Variants in YAF2 observed in about 807,000 individuals in gnomAD.
The protein encoded by YAF2 is YY1-associated factor 2.
In YAF2, 7 loss-of-function variants were observed where a neutral mutation model predicts 20.1. That is an observed-to-expected ratio of 0.35 (90% CI 0.20 to 0.65). The LOEUF (loss-of-function observed/expected upper bound fraction) is 0.65. Ranked by LOEUF, YAF2 falls within the 30% of genes least tolerant of loss-of-function variation. The probability of loss-of-function intolerance (pLI) is 0.69; values close to 1 mark genes in which losing one functional copy is unlikely to be tolerated. For missense variants in YAF2, 151 were observed against 219.2 expected (o/e 0.69, Z 1.96); for synonymous variants, 74 against 76.0 (o/e 0.97, Z 0.14).
rs2065783275 is a variant in YAF2, at chr12:42,160,834, T to A, written c.306-8A>T. The A allele has an allele frequency of 6.3e-7, 1 of 1,582,710 alleles. No individual in the cohort carries two copies. Among genetic ancestry groups the A allele is most frequent in the African/African-American group, 1.4e-5 (1 of 73,250 alleles). On this transcript the variant is annotated splice_polypyrimidine_tract_variant and splice_region_variant and intron_variant, in intron 3 of 3. Transcript: ENST00000534854. ...ACATTTTTCAATCTTGGCCTAAACA[T>A]AAAAAAATGAAATTTTAAACTAGCT...
chr12:42,234,324 G>A lies in YAF2; in HGVS notation c.152+3275C>T, dbSNP rs375410158. 18 of 985,428 alleles carry A rather than the reference G, an allele frequency of 1.8e-5. No individual in the cohort carries two copies. In the African/African-American group the frequency reaches 2.1e-4, roughly 11 times the overall value. The allele number at this position is 985,428 out of a possible 1,614,324, so 61.0% of individuals were successfully genotyped here. A position where few individuals can be genotyped will look rare whatever the true frequency, so the allele number is the denominator to read the frequency against. On this transcript the variant is annotated intron_variant, in intron 2 of 3. Transcript: ENST00000534854. The stretch of plus-strand genomic sequence containing the variant: ...TTTCCTTTTAAAAAATTTCCTGTCA[G>A]TTTGACATTTACTACTGTTTCTCTC...
intron 2 of YAF2, among the ~76,000 whole-genome samples, chr12:42,164,412 C>T (rs900223978): frequency 7.2e-5 from 11 of 152,106 alleles, no homozygotes; most frequent in Non-Finnish European, 1.6e-4. Context: ...TTTTCAACTA[C>T]GGTCTGCCTT....
intron 3 of YAF2, 129 bp from the exon 4 acceptor site, chr12:42,160,955 A>G: frequency 1.5e-6 from 1 of 674,000 alleles, no homozygotes; most frequent in South Asian, 2.0e-5. Context: ...ATGTGTAACT[A>G]GCCACAAAAA....
At chr12:42,223,488 T>C (rs1423389362) in intron 2 of YAF2, among the ~76,000 whole-genome samples, 1 of 152,052 alleles carries the variant, frequency 6.6e-6, no homozygotes, top group Non-Finnish European at 1.5e-5. Context: ...AAATTGGCCA[T>C]GATGTTAAAG....
At chr12:42,234,954 AC>A (rs2068099839) in intron 2 of YAF2, 9 of 972,582 alleles carry the variant, frequency 9.3e-6, no homozygotes, top group Non-Finnish European at 1.1e-5. Flanking sequence ...TGCCACTGCA[AC>A]CCAGCCTGGG....
At chr12:42,233,375 A>G (rs933913012) in intron 2 of YAF2, 4 of 984,960 alleles carry the variant, frequency 4.1e-6, no homozygotes, top group East Asian at 1.1e-4. Flanking sequence ...TGCTATCTGA[A>G]TTAAGCAATA....
chr12:42,165,957 A>G (rs850828), intron 2 of YAF2, among the ~76,000 whole-genome samples: 2,742 of 147,396 alleles, frequency 0.019, 84 homozygotes, highest in African/African-American at 0.065. Flanking sequence ...TCACACTGTC[A>G]CCCAGGCTGG....
At chr12:42,199,737 A>T (rs1220209301) in intron 2 of YAF2, among the ~76,000 whole-genome samples, 1 of 152,220 alleles carries the variant, frequency 6.6e-6, no homozygotes, top group Non-Finnish European at 1.5e-5. Context: ...AGAATACGGT[A>T]ATACTGACTG....
intron 2 of YAF2, among the ~76,000 whole-genome samples, chr12:42,195,702 A>T (rs2066731099): frequency 4.6e-5 from 7 of 152,230 alleles, no homozygotes; most frequent in Admixed American, 4.6e-4. Flanking sequence ...TTTGCCCTCA[A>T]AAAGGCTACA....
intron 2 of YAF2, chr12:42,232,683 A>G: frequency 1.0e-6 from 1 of 985,428 alleles, no homozygotes; most frequent in South Asian, 4.7e-5. Context: ...TAGAAGAATC[A>G]GTGCCAAACC....
chr12:42,220,463 A>G (rs1314146635), intron 2 of YAF2, among the ~76,000 whole-genome samples: 2 of 152,234 alleles, frequency 1.3e-5, no homozygotes, highest in South Asian at 2.1e-4. Flanking sequence ...GAAGTAAAGA[A>G]TGAAGCAATC....
chr12:42,167,279 A>C (rs994875536), intron 2 of YAF2, among the ~76,000 whole-genome samples: 3 of 152,220 alleles, frequency 2.0e-5, no homozygotes, highest in African/African-American at 7.2e-5. Context: ...CATGTTCTGC[A>C]CATGTATCCC....
chr12:42,210,204 T>C (rs567991096), intron 2 of YAF2, among the ~76,000 whole-genome samples: 2 of 152,332 alleles, frequency 1.3e-5, no homozygotes, highest in African/African-American at 4.8e-5. Context: ...GTATTTACTG[T>C]CCACACAATA....
chr12:42,188,839 C>T (rs1241605584), intron 2 of YAF2, among the ~76,000 whole-genome samples: 1 of 152,044 alleles, frequency 6.6e-6, no homozygotes, highest in African/African-American at 2.4e-5. Context: ...GTGCTAAATG[C>T]AAGAGGAGAC....
chr12:42,161,261 C>A (rs2065793601), intron 3 of YAF2: 2 of 246,948 alleles, frequency 8.1e-6, no homozygotes, highest in Admixed American at 5.1e-5. Flanking sequence ...GAACGCATGA[C>A]CATTTTGATA....
At position 42,171,247 on chromosome 12, in the gene YAF2, T is replaced by C. The variant is rs955586172; in HGVS notation, c.153-9482A>G. Among the ~76,000 whole-genome samples the C allele has an allele frequency of 3.9e-5, 6 of 152,312 alleles. No individual in the cohort carries two copies. The East Asian group carries it at 9.7e-4, about 25-fold the overall frequency. On this transcript the variant is annotated intron_variant, in intron 2 of 3. Transcript: ENST00000534854. ...CTCAAGTGATCCGCCCACCTTGGCC[T>C]CCCAGAATGCTGGGATTACAGGTGT... is the stretch of plus-strand genomic sequence containing the variant.
intron 2 of YAF2, among the ~76,000 whole-genome samples, chr12:42,170,102 G>A (rs2066009191): frequency 6.6e-6 from 1 of 151,444 alleles, no homozygotes; most frequent in Non-Finnish European, 1.5e-5. Context: ...AAACTCCTGA[G>A]GTCAAGCAAT....
chr12:42,162,847 AC>A (rs2136952618), intron 2 of YAF2, among the ~76,000 whole-genome samples: 1 of 152,328 alleles, frequency 6.6e-6, no homozygotes, highest in East Asian at 1.9e-4. Context: ...AGTCTGAACT[AC>A]TGAAAGGATA....
chr12:42,205,793 T>A (rs916791709), intron 2 of YAF2: 1 of 242,140 alleles, frequency 4.1e-6, no homozygotes, highest in Non-Finnish European at 8.7e-6. Flanking sequence ...TTATTTTCAA[T>A]CTTTCAATCT....
Sources: gnomAD v4.1 joint callset for allele counts (sites outside exome capture counted in the v4.1 genomes callset) on GRCh38, gnomAD v4.1.1 for gene constraint, MANE v1.5 for transcripts, NCBI Gene and HGNC (gene_info 2026-07-23, HGNC 2026-07-21) for gene names.